The following AVL9 variants were observed in gnomAD, a reference collection of about 807,000 sequenced individuals.
AVL9 encodes late secretory pathway protein AVL9 homolog.
Under a neutral mutation model 79.2 loss-of-function variants are expected in AVL9, and 49 were observed. The ratio of observed to expected loss-of-function variants is 0.62; its 90% CI spans 0.49 to 0.79. The LOEUF is 0.79. AVL9 is among the 30% of genes least tolerant of loss of function. The probability of loss-of-function intolerance (pLI) is 0.00; values close to 1 mark genes in which losing one functional copy is unlikely to be tolerated. For synonymous variants in AVL9, 299 were observed against 280.6 expected (o/e 1.07, Z -0.65); for missense variants, 682 against 776.8 (o/e 0.88, Z 1.45).
chr7:32,545,235 G>A (rs779562925), intron 3 of AVL9, among the ~76,000 whole-genome samples: 8 of 149,716 alleles, frequency 5.3e-5, no homozygotes, highest in Non-Finnish European at 1.0e-4. Flanking sequence ...AGCCTGCTGA[G>A]TAGCTGGGAC....
At chr7:32,554,243 G>A (rs996241212) in intron 7 of AVL9, among the ~76,000 whole-genome samples, 8 of 152,058 alleles carry the variant, frequency 5.3e-5, no homozygotes, top group African/African-American at 1.9e-4. Flanking sequence ...CATGCTATGT[G>A]AACACTCTGG....
chr7:32,503,603 C>T (rs537855360), intron 1 of AVL9, among the ~76,000 whole-genome samples: 3 of 149,634 alleles, frequency 2.0e-5, no homozygotes, highest in South Asian at 4.2e-4. Flanking sequence ...GCACTCTGCA[C>T]TTGTGCCTTT....
chr7:32,528,544 A>C (rs1017121748), intron 1 of AVL9, among the ~76,000 whole-genome samples: 7 of 152,250 alleles, frequency 4.6e-5, no homozygotes, highest in African/African-American at 1.7e-4. Context: ...GGCCCTCTTC[A>C]CCAACCCTGA....
At chr7:32,498,397 C>T (rs572075095) in intron 1 of AVL9, among the ~76,000 whole-genome samples, 6 of 151,982 alleles carry the variant, frequency 3.9e-5, no homozygotes, top group African/African-American at 1.2e-4. Context: ...TACAGGCATG[C>T]ACCACCGTAC....
At chr7:32,558,854 G>A in intron 9 of AVL9, 75 bp from the exon 10 acceptor site, 3 of 1,302,994 alleles carry the variant, frequency 2.3e-6, no homozygotes. Context: ...TTATAGGGGA[G>A]TCTACTAATA....
At chr7:32,507,196 A>G (rs546533236) in intron 1 of AVL9, among the ~76,000 whole-genome samples, 54 of 152,272 alleles carry the variant, frequency 3.5e-4, no homozygotes, top group South Asian at 1.0e-3. Flanking sequence ...CAGAATCACA[A>G]CTTGTCAGAA....
chr7:32,574,104 T>A (rs1476770872), intron 12 of AVL9, among the ~76,000 whole-genome samples: 1 of 152,238 alleles, frequency 6.6e-6, no homozygotes, highest in Non-Finnish European at 1.5e-5. Context: ...TGTTTTTGTT[T>A]CAGTTAACTA....
chr7:32,512,221 G>A (rs1249090166), intron 1 of AVL9, among the ~76,000 whole-genome samples: 4 of 152,130 alleles, frequency 2.6e-5, no homozygotes, highest in Non-Finnish European at 5.9e-5. Flanking sequence ...CCCTCCATAG[G>A]CAAAGATTGA....
intron 1 of AVL9, among the ~76,000 whole-genome samples, chr7:32,503,624 C>T (rs1245021298): frequency 1.3e-5 from 2 of 149,800 alleles, no homozygotes; most frequent in Non-Finnish European, 3.0e-5. Context: ...CATCACATCA[C>T]TGTGCTCATT....
Position 32,548,745 on chromosome 7 carries a change from G to T in AVL9, c.301-102G>T. The T allele has an allele frequency of 1.0e-5, 8 of 779,676 alleles. No individual in the cohort carries two copies. The South Asian group carries it at 1.7e-4, about 17-fold the overall frequency. The allele number at this position is 779,676 out of a possible 1,614,324, so 48.3% of individuals were successfully genotyped here. A position where few individuals can be genotyped will look rare whatever the true frequency, so the allele number is the denominator to read the frequency against. On this transcript the variant is annotated intron_variant, in intron 3 of 15. Transcript: ENST00000318709. Reference sequence around the variant, plus strand: ...AAAAACTTTTTGAATTTAACTGAATGTAAGAAATTTCTTATATATAATTTC... The same window carrying T: ...AAAAACTTTTTGAATTTAACTGAATTTAAGAAATTTCTTATATATAATTTC...
chr7:32,579,583 ATATATTATATATTATATAT>A (rs1791393902), intron 13 of AVL9, among the ~76,000 whole-genome samples: 2 of 13,000 alleles, frequency 1.5e-4, no homozygotes, highest in African/African-American at 3.8e-4. Flanking sequence ...ATTATATATT[ATATATTATATATTATATAT>A]TATATTATAT....
intron 1 of AVL9, among the ~76,000 whole-genome samples, chr7:32,502,848 G>A (rs1023172511): frequency 2.0e-5 from 3 of 152,184 alleles, no homozygotes; most frequent in African/African-American, 7.2e-5. Flanking sequence ...GGCCCTAGCC[G>A]GCCAGACAGA....
chr7:32,569,485 T>C (rs1277874455), intron 10 of AVL9, among the ~76,000 whole-genome samples: 1 of 152,248 alleles, frequency 6.6e-6, no homozygotes, highest in Admixed American at 6.5e-5. Context: ...ATACTACCAG[T>C]GTCATTTTTG....
intron 1 of AVL9, among the ~76,000 whole-genome samples, chr7:32,523,247 C>G (rs1788246702): frequency 6.7e-6 from 1 of 149,256 alleles, no homozygotes; most frequent in Non-Finnish European, 1.5e-5. Flanking sequence ...TCACCATTTG[C>G]CCCAGATTGG....
chr7:32,495,848 C>A (rs1387282913), intron 1 of AVL9, 46 bp downstream of exon 1: 9 of 1,220,982 alleles, frequency 7.4e-6, no homozygotes, highest in African/African-American at 1.6e-5. Flanking sequence ...GGGCGTTCGC[C>A]CCTTCCGGGG....
intron 1 of AVL9, among the ~76,000 whole-genome samples, chr7:32,500,308 A>C (rs946157264): frequency 3.9e-5 from 6 of 152,080 alleles, no homozygotes; most frequent in Non-Finnish European, 8.8e-5. Context: ...ATGGTATCTC[A>C]TGGTTTTGAT....
At chr7:32,525,849 A>G (rs1788378362) in intron 1 of AVL9, among the ~76,000 whole-genome samples, 1 of 152,070 alleles carries the variant, frequency 6.6e-6, no homozygotes, top group African/African-American at 2.4e-5. Flanking sequence ...TTTACTGCAA[A>G]TGCCCTACTA....
chr7:32,505,026 A>G (rs773331446), intron 1 of AVL9, among the ~76,000 whole-genome samples: 4 of 151,810 alleles, frequency 2.6e-5, no homozygotes, highest in Non-Finnish European at 5.9e-5. Context: ...AGAGTATGCC[A>G]CCATGCCCCG....
intron 4 of AVL9, among the ~76,000 whole-genome samples, chr7:32,550,325 T>C (rs1298245125): frequency 6.6e-6 from 1 of 151,870 alleles, no homozygotes; most frequent in Admixed American, 6.6e-5. Context: ...TCAGAAAAAA[T>C]GTGTAATTCT....
Sources: gnomAD v4.1 joint callset for allele counts (sites outside exome capture counted in the v4.1 genomes callset) on GRCh38, gnomAD v4.1.1 for gene constraint, MANE v1.5 for transcripts, NCBI Gene and HGNC (gene_info 2026-07-23, HGNC 2026-07-21) for gene names.